The following FBN1 variants were observed in gnomAD, a reference collection of about 807,000 sequenced individuals.
FBN1 encodes fibrillin 1.
In FBN1, 29 loss-of-function variants were observed where a neutral mutation model predicts 365.1. The observed-to-expected ratio is 0.08, with a 90% confidence interval of 0.06 to 0.11. The LOEUF (loss-of-function observed/expected upper bound fraction) is 0.11. Ranked by LOEUF, FBN1 falls within the 10% of genes least tolerant of loss-of-function variation. FBN1 has a pLI of 1.00. For synonymous variants in FBN1, 1,210 were observed against 1,270.5 expected (o/e 0.95, Z 1.01); for missense variants, 2,476 against 3,703.2 (o/e 0.67, Z 8.60).
chr15:48,587,183 A>C lies in FBN1; in HGVS notation c.538+9100T>G, dbSNP rs999580315. On this transcript the variant is annotated intron_variant, in intron 6 of 65. Transcript: ENST00000316623. ...TGTATTTGTCCAACATATGTTCATA[A>C]ACCAAAAACAGCATAGACTCTCTAG... is the stretch of plus-strand genomic sequence containing the variant. Among the ~76,000 whole-genome samples, 48 of 152,200 alleles carry C rather than the reference A, an allele frequency of 3.2e-4. 1 individual carries two copies. The highest frequency in any genetic ancestry group is 1.6e-3 in the Admixed American group (25 of 15,268).
intron 6 of FBN1, among the ~76,000 whole-genome samples, chr15:48,558,405 A>G (rs1021993498): frequency 6.6e-6 from 1 of 152,192 alleles, no homozygotes; most frequent in African/African-American, 2.4e-5. Flanking sequence ...CCAGGATATA[A>G]AACCCTTTCT....
At chr15:48,426,157 C>G (rs559762383) in intron 58 of FBN1, among the ~76,000 whole-genome samples, 29 of 152,286 alleles carry the variant, frequency 1.9e-4, no homozygotes, top group East Asian at 1.2e-3. Context: ...AGAACAGCCA[C>G]CCCATCTAGA....
intron 2 of FBN1, among the ~76,000 whole-genome samples, chr15:48,633,722 C>T (rs1467457624): frequency 1.3e-5 from 2 of 152,146 alleles, no homozygotes; most frequent in Admixed American, 6.5e-5. Flanking sequence ...AGAAAGAAAA[C>T]ACCCATGCCC....
intron 23 of FBN1, among the ~76,000 whole-genome samples, chr15:48,493,926 C>G (rs555817539): frequency 1.3e-5 from 2 of 152,316 alleles, no homozygotes; most frequent in East Asian, 3.9e-4. Flanking sequence ...TTTTTCTCTT[C>G]CTGATAGCAT....
At chr15:48,520,947 G>T in intron 9 of FBN1, 130 bp from the exon 10 acceptor site, 1 of 1,256,692 alleles carries the variant, frequency 8.0e-7, no homozygotes, top group Non-Finnish European at 1.1e-6. Flanking sequence ...TCTGCCCCCC[G>T]GAAGGGAAGC....
rs369470664 is a variant in FBN1 at position 48,472,711 on chromosome 15, C to T, written c.4211-35G>A. 2.2e-5 allele frequency: 35 copies of T among 1,614,040 alleles called. 1 individual carries two copies. Among genetic ancestry groups the T allele is most frequent in the African/African-American group, 1.5e-4 (11 of 75,050 alleles). On this transcript the variant is annotated intron_variant, in intron 34 of 65. Transcript: ENST00000316623. ...GAAAGAAACACACGTTACTCTTCCT[C>T]GGTTAGGGGCTTTCTAATTCCTCAG...
At chr15:48,550,903 A>G (rs1221998071) in intron 6 of FBN1, among the ~76,000 whole-genome samples, 3 of 152,146 alleles carry the variant, frequency 2.0e-5, no homozygotes, top group Non-Finnish European at 4.4e-5. Context: ...GTCTCTTTAA[A>G]CTTTGCATCT....
chr15:48,475,374 A>C (rs182482773), intron 32 of FBN1, among the ~76,000 whole-genome samples: 1 of 152,302 alleles, frequency 6.6e-6, no homozygotes, highest in Non-Finnish European at 1.5e-5. Flanking sequence ...TCACATTACT[A>C]AAAGACTCCA....
intron 6 of FBN1, among the ~76,000 whole-genome samples, chr15:48,542,977 C>T (rs989689092): frequency 6.6e-6 from 1 of 152,146 alleles, no homozygotes; most frequent in Non-Finnish European, 1.5e-5. Flanking sequence ...CACTGCCACT[C>T]GACATAACCC....
chr15:48,537,256 A>T (rs879119414), intron 7 of FBN1, among the ~76,000 whole-genome samples: 1 of 152,174 alleles, frequency 6.6e-6, no homozygotes, highest in African/African-American at 2.4e-5. Flanking sequence ...AAGAAAAAAA[A>T]TTAAGAAAAA....
intron 32 of FBN1, among the ~76,000 whole-genome samples, chr15:48,476,536 T>C (rs2043419266): frequency 6.6e-6 from 1 of 151,730 alleles, no homozygotes; most frequent in Non-Finnish European, 1.5e-5. Flanking sequence ...AAACTCAGTT[T>C]CCCCATCTGG....
At chr15:48,573,001 G>A (rs1435550887) in intron 6 of FBN1, among the ~76,000 whole-genome samples, 6 of 152,130 alleles carry the variant, frequency 3.9e-5, no homozygotes, top group Admixed American at 3.9e-4. Flanking sequence ...ATGGGAGGAT[G>A]TGGGCATGGT....
At chr15:48,575,708 A>G (rs1029504322) in intron 6 of FBN1, among the ~76,000 whole-genome samples, 1 of 152,034 alleles carries the variant, frequency 6.6e-6, no homozygotes. Context: ...AGACGCCTGT[A>G]CTCATATTTT....
At chr15:48,470,431 T>G (rs1189103630) in intron 36 of FBN1, among the ~76,000 whole-genome samples, 1 of 152,178 alleles carries the variant, frequency 6.6e-6, no homozygotes. Context: ...CAAACTGTGC[T>G]CCTTCAATTG....
chr15:48,475,587 G>A (rs1319718049), intron 32 of FBN1, among the ~76,000 whole-genome samples: 1 of 152,120 alleles, frequency 6.6e-6, no homozygotes, highest in Non-Finnish European at 1.5e-5. Flanking sequence ...TACTCTATAT[G>A]GAAACCAACA....
Position 48,617,184 on chromosome 15 carries a change from GT to G in FBN1, c.165-4093del, listed in dbSNP as rs1004726203. On this transcript the variant is annotated intron_variant, in intron 2 of 65. Transcript: ENST00000316623. ...TTTGGGGGTTTTTTTTTGCTTTTTTGTTTTTTTTGAGATGGAGTCTCGCTCT... is the reference window on the plus strand; with the variant it reads ...TTTGGGGGTTTTTTTTTGCTTTTTTGTTTTTTTGAGATGGAGTCTCGCTCT... 1.4e-3 allele frequency among the ~76,000 whole-genome samples: 215 copies of G among 151,220 alleles called. 2 individuals are homozygous for G. The highest frequency in any genetic ancestry group is 1.8e-4 in the Non-Finnish European group (12 of 67,712).
At chr15:48,466,857 T>C (rs1165122263) in intron 38 of FBN1, among the ~76,000 whole-genome samples, 3 of 152,104 alleles carry the variant, frequency 2.0e-5, no homozygotes, top group Non-Finnish European at 4.4e-5. Flanking sequence ...TTTGAATTTC[T>C]TCTTTCATGT....
chr15:48,583,911 T>C (rs781494154), intron 6 of FBN1, among the ~76,000 whole-genome samples: 1 of 152,178 alleles, frequency 6.6e-6, no homozygotes, highest in African/African-American at 2.4e-5. Context: ...CCTTTCTATA[T>C]CCAGCTCAAG....
At chr15:48,448,697 T>G in intron 46 of FBN1, 71 bp downstream of exon 46, 1 of 1,466,534 alleles carries the variant, frequency 6.8e-7, no homozygotes, top group Admixed American at 1.8e-5. Context: ...AGTATTAAAT[T>G]TTATCCATAT....
Sources: gnomAD v4.1 joint callset for allele counts (sites outside exome capture counted in the v4.1 genomes callset) on GRCh38, gnomAD v4.1.1 for gene constraint, MANE v1.5 for transcripts, NCBI Gene and HGNC (gene_info 2026-07-23, HGNC 2026-07-21) for gene names.